PAFAH1B1: variants seen among roughly 807,000 people sequenced by gnomAD.
The protein encoded by PAFAH1B1 is platelet activating factor acetylhydrolase 1b regulatory subunit 1, also known as platelet-activating factor acetylhydrolase IB subunit beta.
In PAFAH1B1, 2 loss-of-function variants were observed where a neutral mutation model predicts 57.5. The observed-to-expected ratio is 0.03, with a 90% CI of 0.01 to 0.11. The LOEUF (loss-of-function observed/expected upper bound fraction) is 0.11. Among genes scored for constraint, PAFAH1B1 ranks in the 10% least tolerant of loss-of-function variants. The pLI is 1.00. For synonymous variants in PAFAH1B1, 152 were observed against 169.6 expected (o/e 0.90, Z 0.81); for missense variants, 257 against 512.0 (o/e 0.50, Z 4.81).
chr17:2,651,160 T>C (rs147343401), intron 2 of PAFAH1B1, among the ~76,000 whole-genome samples: 2 of 152,326 alleles, frequency 1.3e-5, no homozygotes, highest in African/African-American at 4.8e-5. Context: ...GAAACATTTA[T>C]TGAATAGCCC....
intron 1 of PAFAH1B1, among the ~76,000 whole-genome samples, chr17:2,612,350 C>T (rs549683193): frequency 2.6e-5 from 4 of 151,806 alleles, no homozygotes; most frequent in African/African-American, 4.8e-5. Context: ...ACTACAGGCG[C>T]GCACCACCAC....
intron 1 of PAFAH1B1, 27 bp from the exon 2 acceptor site, chr17:2,638,072 C>T: frequency 4.2e-6 from 2 of 480,930 alleles, no homozygotes; most frequent in Non-Finnish European, 7.4e-6. Flanking sequence ...GTGAAATAAT[C>T]TTTTTTTTTC....
chr17:2,615,788 C>T (rs924381624), intron 1 of PAFAH1B1, among the ~76,000 whole-genome samples: 1 of 152,092 alleles, frequency 6.6e-6, no homozygotes, highest in Non-Finnish European at 1.5e-5. Context: ...CTTTGAGCAC[C>T]CATCAACAAA....
chr17:2,642,894 T>C (rs780373607), intron 2 of PAFAH1B1, among the ~76,000 whole-genome samples: 8 of 152,204 alleles, frequency 5.3e-5, no homozygotes, highest in Admixed American at 1.3e-4. Flanking sequence ...TTTTAATATA[T>C]AAACCATTAT....
intron 1 of PAFAH1B1, among the ~76,000 whole-genome samples, chr17:2,599,807 A>T (rs2068119574): frequency 6.6e-6 from 1 of 152,150 alleles, no homozygotes. Context: ...TCTTATGTTG[A>T]CAAGAATTGA....
At chr17:2,652,216 C>T (rs540855717) in intron 2 of PAFAH1B1, among the ~76,000 whole-genome samples, 346 of 152,192 alleles carry the variant, frequency 2.3e-3, no homozygotes, top group African/African-American at 7.8e-3. Flanking sequence ...CGAGACCATC[C>T]TGGCTAACAC....
At chr17:2,632,658 ACAGACTTTTATT>A (rs2068570071) in intron 1 of PAFAH1B1, among the ~76,000 whole-genome samples, 1 of 152,212 alleles carries the variant, frequency 6.6e-6, no homozygotes, top group Admixed American at 6.6e-5. Context: ...CTGAATATAT[ACAGACTTTTATT>A]CTTGTCATTC....
At chr17:2,668,090 C>T (rs1166984740) in intron 5 of PAFAH1B1, among the ~76,000 whole-genome samples, 1 of 151,878 alleles carries the variant, frequency 6.6e-6, no homozygotes, top group Non-Finnish European at 1.5e-5. Context: ...TTTGGGAGGC[C>T]GAGGCGGGTG....
chr17:2,603,297 G>A (rs1221016495), intron 1 of PAFAH1B1, among the ~76,000 whole-genome samples: 10 of 152,126 alleles, frequency 6.6e-5, no homozygotes, highest in African/African-American at 1.7e-4. Flanking sequence ...CTACAGGCCC[G>A]CGCCACCATG....
chr17:2,644,114 C>A (rs2068735341), intron 2 of PAFAH1B1, among the ~76,000 whole-genome samples: 1 of 150,424 alleles, frequency 6.6e-6, no homozygotes, highest in Non-Finnish European at 1.5e-5. Context: ...GGGCCCAAGC[C>A]TCCCGAGTTG....
At chr17:2,610,741 C>A (rs1419972312) in intron 1 of PAFAH1B1, among the ~76,000 whole-genome samples, 1 of 152,212 alleles carries the variant, frequency 6.6e-6, no homozygotes, top group Non-Finnish European at 1.5e-5. Flanking sequence ...TAGAGTTTCT[C>A]ATGGGGCTCT....
At chr17:2,623,690 C>T (rs1467863531) in intron 1 of PAFAH1B1, among the ~76,000 whole-genome samples, 3 of 149,666 alleles carry the variant, frequency 2.0e-5, no homozygotes, top group African/African-American at 5.0e-5. Flanking sequence ...TGCAGTGGTG[C>T]GATCTCTGCT....
At chr17:2,599,019 T>G (rs1432429548) in intron 1 of PAFAH1B1, among the ~76,000 whole-genome samples, 1 of 152,212 alleles carries the variant, frequency 6.6e-6, no homozygotes, top group Non-Finnish European at 1.5e-5. Flanking sequence ...GTTTTCTTTT[T>G]AAAAGATGGT....
intron 7 of PAFAH1B1, 117 bp from the exon 8 acceptor site, chr17:2,673,943 G>A (rs923847422): frequency 9.7e-6 from 7 of 722,838 alleles, no homozygotes; most frequent in East Asian, 5.4e-5. Context: ...TTATTCTGTC[G>A]ACTTGCATCT....
rs35801835 is a variant in PAFAH1B1, at chr17:2,651,712, T to C, written c.32+13392T>C. Among the ~76,000 whole-genome samples, 420 of 152,302 alleles carry C rather than the reference T, an allele frequency of 2.8e-3. 3 individuals carry two copies. The highest frequency in any genetic ancestry group is 0.014 in the Middle Eastern group (4 of 294). ...AAGCCTTAAGTGTTTTCCGTAGTAA[T>C]TTTGATTTGGGAATGGAGTGAGTGA... is the stretch of plus-strand genomic sequence containing the variant. On this transcript the variant is annotated intron_variant, in intron 2 of 10. Coordinates refer to ENST00000397195, the MANE Select transcript of PAFAH1B1 (RefSeq NM_000430.4).
intron 1 of PAFAH1B1, among the ~76,000 whole-genome samples, chr17:2,612,963 AT>A (rs2068283909): frequency 6.6e-6 from 1 of 151,560 alleles, no homozygotes; most frequent in South Asian, 2.1e-4. Flanking sequence ...TGTTTTTTCA[AT>A]TTTTAGTGGT....
intron 1 of PAFAH1B1, among the ~76,000 whole-genome samples, chr17:2,636,247 A>G (rs2068623534): frequency 6.6e-6 from 1 of 152,162 alleles, no homozygotes; most frequent in African/African-American, 2.4e-5. Context: ...CATATTTCTC[A>G]GAATTTAGAT....
chr17:2,676,678 ATATCT>A (rs1305878657), intron 9 of PAFAH1B1, 72 bp downstream of exon 9: 14 of 875,168 alleles, frequency 1.6e-5, no homozygotes, highest in Non-Finnish European at 2.8e-5. Flanking sequence ...ATGCTTTATG[ATATCT>A]TAAATAATCT....
intron 1 of PAFAH1B1, among the ~76,000 whole-genome samples, chr17:2,611,536 T>C (rs2068267032): frequency 6.6e-6 from 1 of 152,002 alleles, no homozygotes; most frequent in Non-Finnish European, 1.5e-5. Flanking sequence ...CTGTGTTTTA[T>C]ATTGCTAGAA....
Sources: allele counts gnomAD v4.1 joint callset (sites outside exome capture counted in the v4.1 genomes callset), GRCh38; gene constraint gnomAD v4.1.1; transcripts MANE v1.5; gene names NCBI Gene and HGNC (gene_info 2026-07-23, HGNC 2026-07-21).